Variants in LYRM4 observed in about 807,000 individuals in gnomAD.
The protein encoded by LYRM4 is LYR motif-containing protein 4.
LYRM4 carries 9 observed loss-of-function variants against 11.7 expected under a neutral mutation model. That is an observed-to-expected ratio of 0.77 (90% CI 0.46 to 1.34). The LOEUF (loss-of-function observed/expected upper bound fraction) is 1.34, where lower values mean the gene tolerates loss of function less well. Ranked by LOEUF, LYRM4 falls within the 40% of genes most tolerant of loss-of-function variation. The pLI, the probability that LYRM4 is intolerant of heterozygous loss-of-function variation, is 0.00. For synonymous variants in LYRM4, 42 were observed against 40.4 expected, an observed-to-expected ratio of 1.04 and a Z score of -0.15; for missense variants, 133 against 112.5, an observed-to-expected ratio of 1.18 and a Z score of -0.82.
In LYRM4 at chr6:5,252,150, A is replaced by G. The variant is rs150085263; in HGVS notation, c.86+8498T>C. Among the ~76,000 whole-genome samples, 109 of 152,330 alleles carry G rather than the reference A, an allele frequency of 7.2e-4. 1 individual carries two copies. Among genetic ancestry groups the G allele is most frequent in the African/African-American group, 2.6e-3 (107 of 41,586 alleles). ...GGGAGCCTGTTTAACCATTTCACCTATAAGGAGGAACTGTGAAAATAAACT... is the reference window on the plus strand; with the variant it reads ...GGGAGCCTGTTTAACCATTTCACCTGTAAGGAGGAACTGTGAAAATAAACT... On this transcript the variant is annotated intron_variant, in intron 1 of 2. Coordinates refer to ENST00000330636, the MANE Select transcript of LYRM4 (RefSeq NM_020408.6).
chr6:5,231,704 T>C (rs976698136), intron 1 of LYRM4, among the ~76,000 whole-genome samples: 1 of 152,214 alleles, frequency 6.6e-6, no homozygotes, highest in African/African-American at 2.4e-5. Flanking sequence ...TCTGCTGGGA[T>C]GCCGTAAACA....
At chr6:5,049,562 C>A in the LYRM4 span, among the ~76,000 whole-genome samples, 14 of 152,146 alleles carry the variant, frequency 9.2e-5, no homozygotes, top group Admixed American at 9.2e-4. Context: ...TTGTTTTAAC[C>A]CTCAGTTTCC....
chr6:5,164,130 G>A (rs1420322706), intron 2 of LYRM4, among the ~76,000 whole-genome samples: 1 of 152,204 alleles, frequency 6.6e-6, no homozygotes, highest in Non-Finnish European at 1.5e-5. Flanking sequence ...AATACATGTT[G>A]CTGATGGGAA....
At chr6:5,178,119 G>C (rs1015209455) in intron 2 of LYRM4, among the ~76,000 whole-genome samples, 20 of 152,094 alleles carry the variant, frequency 1.3e-4, no homozygotes, top group African/African-American at 4.8e-4. Context: ...GTGTCTAGCA[G>C]AACACCTGGC....
chr6:5,238,530 G>A (rs921556357), intron 1 of LYRM4, among the ~76,000 whole-genome samples: 1 of 152,206 alleles, frequency 6.6e-6, no homozygotes, highest in African/African-American at 2.4e-5. Flanking sequence ...CATTTAAATA[G>A]GAGTAAGTCC....
intron 2 of LYRM4, among the ~76,000 whole-genome samples, chr6:5,111,637 C>T (rs1762885938): frequency 6.6e-6 from 1 of 152,240 alleles, no homozygotes; most frequent in South Asian, 2.1e-4. Flanking sequence ...CGGGATCCAT[C>T]TGGGACGCCT....
chr6:5,216,781 T>A (rs763437905), intron 1 of LYRM4, 43 bp from the exon 2 acceptor site: 5 of 1,586,012 alleles, frequency 3.2e-6, no homozygotes, highest in Admixed American at 1.8e-5. Context: ...TGTCAGCGTG[T>A]CTGAGGCTAT....
chr6:5,208,203 C>T (rs886419794), intron 2 of LYRM4, among the ~76,000 whole-genome samples: 1 of 152,218 alleles, frequency 6.6e-6, no homozygotes, highest in African/African-American at 2.4e-5. Flanking sequence ...CACATCATCA[C>T]TGCTGCCACC....
chr6:5,090,726 A>G, the LYRM4 span, among the ~76,000 whole-genome samples: 1 of 152,214 alleles, frequency 6.6e-6, no homozygotes, highest in Non-Finnish European at 1.5e-5. This position sits in a 1 kb window ranked among gnomAD's most constrained non-coding sequence, Gnocchi z 4.8. Context: ...CCTGTCCACA[A>G]GGAGGCCGCC....
At chr6:5,090,571 C>T in the LYRM4 span, among the ~76,000 whole-genome samples, 1 of 152,128 alleles carries the variant, frequency 6.6e-6, no homozygotes, top group Non-Finnish European at 1.5e-5. This position sits in a 1 kb window ranked among gnomAD's most constrained non-coding sequence, Gnocchi z 4.8. Flanking sequence ...TTGCTGTTAT[C>T]CACAAACCTC....
At chr6:5,105,078 C>T (rs1272597272), downstream of LYRM4, 2 of 152,116 alleles carry the variant, frequency 1.3e-5, no homozygotes, top group Non-Finnish European at 2.9e-5. Context: ...GAAAGTAATA[C>T]ATTAATACAT....
At chr6:5,120,174 C>A (rs138014306) in intron 2 of LYRM4, among the ~76,000 whole-genome samples, 1 of 152,160 alleles carries the variant, frequency 6.6e-6, no homozygotes, top group African/African-American at 2.4e-5. Context: ...GGATTATAGG[C>A]ATGAGGCACG....
intron 1 of LYRM4, among the ~76,000 whole-genome samples, chr6:5,239,918 G>A (rs1419287857): frequency 1.3e-5 from 2 of 152,182 alleles, no homozygotes; most frequent in Admixed American, 1.3e-4. Flanking sequence ...CCATGGCGCA[G>A]AACAAGTGCA....
intron 2 of LYRM4, among the ~76,000 whole-genome samples, chr6:5,180,290 T>C (rs980589554): frequency 4.6e-5 from 7 of 152,322 alleles, no homozygotes; most frequent in South Asian, 4.1e-4. Context: ...CGTGGCAGGA[T>C]TGAACATCTT....
intron 2 of LYRM4, among the ~76,000 whole-genome samples, chr6:5,155,795 T>C (rs1758378170): frequency 1.3e-5 from 2 of 152,230 alleles, no homozygotes; most frequent in African/African-American, 4.8e-5. Flanking sequence ...GTTTAAGGCA[T>C]TAAGCAAAGC....
At chr6:5,076,432 C>T in the LYRM4 span, among the ~76,000 whole-genome samples, 1 of 152,154 alleles carries the variant, frequency 6.6e-6, no homozygotes, top group African/African-American at 2.4e-5. Context: ...TAGCCTTGGG[C>T]ACATTTCTTG....
intron 2 of LYRM4, among the ~76,000 whole-genome samples, chr6:5,157,623 G>T (rs1230854394): frequency 6.6e-6 from 1 of 152,022 alleles, no homozygotes; most frequent in Non-Finnish European, 1.5e-5. Flanking sequence ...TCCCAGAGGT[G>T]GCATTTGGGA....
At chr6:5,128,725 G>T (rs927536179) in intron 2 of LYRM4, among the ~76,000 whole-genome samples, 1 of 152,184 alleles carries the variant, frequency 6.6e-6, no homozygotes, top group Non-Finnish European at 1.5e-5. Flanking sequence ...ACACTTCGAT[G>T]TTCCCACAGG....
At chr6:5,035,215 A>G in the LYRM4 span, among the ~76,000 whole-genome samples, 3 of 152,182 alleles carry the variant, frequency 2.0e-5, no homozygotes, top group Non-Finnish European at 4.4e-5. Context: ...TCGAATCACA[A>G]GAATTGGCTG....
Sources: allele counts gnomAD v4.1 joint callset (sites outside exome capture counted in the v4.1 genomes callset), GRCh38; gene constraint gnomAD v4.1.1; non-coding constraint Gnocchi (gnomAD v3.1); transcripts MANE v1.5; gene names NCBI Gene and HGNC (gene_info 2026-07-23, HGNC 2026-07-21).